The following SMYD3 variants were observed in gnomAD, a reference collection of about 807,000 sequenced individuals.
SMYD3 encodes SET and MYND domain containing 3, also known as histone-lysine N-methyltransferase SMYD3.
In SMYD3, 36 loss-of-function variants were observed where a neutral mutation model predicts 57.7. The observed-to-expected ratio is 0.62, with a 90% CI of 0.48 to 0.82. The LOEUF (loss-of-function observed/expected upper bound fraction) is 0.82, where lower values mean the gene tolerates loss of function less well. Ranked by LOEUF, SMYD3 falls within the 40% of genes least tolerant of loss-of-function variation. SMYD3 has a pLI of 0.00. For synonymous variants in SMYD3, 211 were observed against 195.0 expected (o/e 1.08, Z -0.68); for missense variants, 515 against 538.8 (o/e 0.96, Z 0.44).
chr1:246,260,573 C>A (rs2063987921), intron 5 of SMYD3, among the ~76,000 whole-genome samples: 1 of 152,090 alleles, frequency 6.6e-6, no homozygotes, highest in Non-Finnish European at 1.5e-5. Flanking sequence ...GCCTCAGCCT[C>A]CTGAGTAGCT....
chr1:246,247,993 C>T (rs1780798), intron 5 of SMYD3, among the ~76,000 whole-genome samples: 53,107 of 151,698 alleles, frequency 0.35, 10,116 homozygotes, highest in East Asian at 0.79. Context: ...AAATCCCTCT[C>T]ACCACCTTGC....
chr1:246,095,384 A>T (rs1339831422), intron 5 of SMYD3, among the ~76,000 whole-genome samples: 1 of 152,248 alleles, frequency 6.6e-6, no homozygotes, highest in Non-Finnish European at 1.5e-5. Context: ...CAAGGGCAGA[A>T]GTGAGTGCAC....
intron 1 of SMYD3, among the ~76,000 whole-genome samples, chr1:246,496,474 A>C (rs528294614): frequency 3.3e-5 from 5 of 152,294 alleles, no homozygotes; most frequent in African/African-American, 1.2e-4. Context: ...CAAATGCTAT[A>C]AGAACAACAA....
In SMYD3 at chr1:246,453,311, C is replaced by G. The variant is rs558497695; in HGVS notation, c.164+53743G>C. On this transcript the variant is annotated intron_variant, in intron 1 of 11. Coordinates refer to ENST00000490107, the MANE Select transcript of SMYD3 (RefSeq NM_001167740.2). ...ATCGGACTGAAGGAGGCGGAAGTAT[C>G]CATATATGCAGATGATATGACACAT... Among the ~76,000 whole-genome samples, 66 of 152,140 alleles carry G rather than the reference C, an allele frequency of 4.3e-4. 1 individual carries two copies. The South Asian group carries it at 0.013, about 30-fold the overall frequency.
At chr1:245,874,155 G>C (rs1458178169) in intron 8 of SMYD3, among the ~76,000 whole-genome samples, 1 of 152,146 alleles carries the variant, frequency 6.6e-6, no homozygotes, top group African/African-American at 2.4e-5. Flanking sequence ...AACAACCCCA[G>C]CCATAGCACA....
At chr1:246,439,084 T>C (rs2067424924) in intron 1 of SMYD3, among the ~76,000 whole-genome samples, 1 of 140,748 alleles carries the variant, frequency 7.1e-6, no homozygotes, top group African/African-American at 2.6e-5. Flanking sequence ...TGTACTATTT[T>C]TATTGCCACA....
At chr1:245,832,252 T>C (rs1002171237) in intron 10 of SMYD3, among the ~76,000 whole-genome samples, 1 of 152,166 alleles carries the variant, frequency 6.6e-6, no homozygotes, top group African/African-American at 2.4e-5. Context: ...CCTAGCACAA[T>C]CCTTCTGAAA....
chr1:246,088,293 A>G (rs2060755844), intron 5 of SMYD3, among the ~76,000 whole-genome samples: 1 of 150,932 alleles, frequency 6.6e-6, no homozygotes, highest in South Asian at 2.1e-4. Context: ...CTCTCTCTCT[A>G]TTCAGGAGTT....
intron 5 of SMYD3, among the ~76,000 whole-genome samples, chr1:246,180,565 G>T (rs2062527970): frequency 2.0e-5 from 3 of 149,958 alleles, no homozygotes; most frequent in South Asian, 4.2e-4. Context: ...AGACCATCCT[G>T]GTTAACATGG....
At chr1:246,271,897 C>A (rs1457562693) in intron 5 of SMYD3, among the ~76,000 whole-genome samples, 1 of 152,124 alleles carries the variant, frequency 6.6e-6, no homozygotes. Flanking sequence ...GTAATGACAT[C>A]TTAACAATAT....
intron 2 of SMYD3, among the ~76,000 whole-genome samples, chr1:246,346,249 CTCCAG>C (rs1460313690): frequency 2.6e-5 from 4 of 152,056 alleles, no homozygotes. Context: ...TTCTACTGCA[CTCCAG>C]TCTGGGCGAC....
intron 8 of SMYD3, among the ~76,000 whole-genome samples, chr1:245,873,942 A>T (rs9287190): frequency 0.87 from 131,679 of 152,188 alleles, 57,165 homozygotes; most frequent in Middle Eastern, 0.92. Context: ...GGTGAGAACT[A>T]CATTAGGGTT....
intron 1 of SMYD3, among the ~76,000 whole-genome samples, chr1:246,372,259 C>A (rs577565567): frequency 1.8e-4 from 27 of 152,334 alleles, no homozygotes; most frequent in African/African-American, 6.5e-4. Context: ...GCTGACCCTC[C>A]TCTAGTGAGC....
At chr1:245,799,311 C>A (rs1186333875) in intron 10 of SMYD3, among the ~76,000 whole-genome samples, 1 of 152,202 alleles carries the variant, frequency 6.6e-6, no homozygotes, top group African/African-American at 2.4e-5. Context: ...CCATGTCCCA[C>A]CATGTCTGAT....
chr1:246,067,843 G>C (rs1358437853), intron 5 of SMYD3, among the ~76,000 whole-genome samples: 1 of 152,148 alleles, frequency 6.6e-6, no homozygotes, highest in South Asian at 2.1e-4. Flanking sequence ...CCAAGGCCGG[G>C]AGAGGCTGAG....
At chr1:245,763,391 G>A (rs929903482) in intron 11 of SMYD3, among the ~76,000 whole-genome samples, 1 of 152,182 alleles carries the variant, frequency 6.6e-6, no homozygotes, top group African/African-American at 2.4e-5. Flanking sequence ...GCAGAGAGCT[G>A]TAGGGGTAGG....
intron 5 of SMYD3, among the ~76,000 whole-genome samples, chr1:246,124,556 T>C (rs932796602): frequency 6.6e-6 from 1 of 152,172 alleles, no homozygotes; most frequent in East Asian, 1.9e-4. Context: ...TGCAAAACAC[T>C]GAGCTAGTCA....
At chr1:246,069,269 AGAAAAC>A (rs1164303276) in intron 5 of SMYD3, among the ~76,000 whole-genome samples, 1 of 152,244 alleles carries the variant, frequency 6.6e-6, no homozygotes, top group African/African-American at 2.4e-5. Flanking sequence ...TTGTAATAAA[AGAAAAC>A]AAACTGAGAA....
chr1:245,876,746 T>G (rs764266550), intron 8 of SMYD3, among the ~76,000 whole-genome samples: 8 of 152,210 alleles, frequency 5.3e-5, no homozygotes, highest in Admixed American at 5.2e-4. Context: ...ACAGCTGAGA[T>G]GTGGCCTCAG....
Sources: allele counts gnomAD v4.1 joint callset (sites outside exome capture counted in the v4.1 genomes callset), GRCh38; gene constraint gnomAD v4.1.1; transcripts MANE v1.5; gene names NCBI Gene and HGNC (gene_info 2026-07-23, HGNC 2026-07-21).